CDK14: variants seen among roughly 807,000 people sequenced by gnomAD.
CDK14 encodes cyclin dependent kinase 14, also known as cyclin-dependent kinase 14.
A neutral mutation model predicts 60.7 loss-of-function variants in CDK14; 34 were observed. The observed-to-expected ratio is 0.56, with a 90% CI of 0.43 to 0.75. The LOEUF is 0.75. Among genes scored for constraint, CDK14 ranks in the 30% least tolerant of loss-of-function variants. CDK14 has a pLI of 0.00. For missense variants in CDK14, 482 were observed against 564.1 expected, an observed-to-expected ratio of 0.85 and a Z score of 1.47; for synonymous variants, 197 against 203.7, an observed-to-expected ratio of 0.97 and a Z score of 0.28.
At chr7:91,038,010 G>A (rs938432985) in intron 10 of CDK14, among the ~76,000 whole-genome samples, 29 of 152,274 alleles carry the variant, frequency 1.9e-4, no homozygotes, top group Non-Finnish European at 3.1e-4. Context: ...GCAGCCTCTG[G>A]CAGAAGCTGA....
chr7:90,878,049 G>A (rs982941413), intron 6 of CDK14, among the ~76,000 whole-genome samples: 13 of 150,846 alleles, frequency 8.6e-5, no homozygotes, highest in African/African-American at 2.7e-4. Flanking sequence ...TCATAGAATA[G>A]ATGCATTGGA....
chr7:90,767,212 T>C (rs1038275235), intron 4 of CDK14, among the ~76,000 whole-genome samples: 3 of 152,232 alleles, frequency 2.0e-5, no homozygotes, highest in African/African-American at 7.2e-5. Context: ...ATTTAACAAG[T>C]GGAGTATGTG....
intron 11 of CDK14, among the ~76,000 whole-genome samples, chr7:91,054,373 C>A (rs1380696454): frequency 7.2e-5 from 11 of 152,136 alleles, no homozygotes; most frequent in Non-Finnish European, 1.2e-4. Flanking sequence ...GTATTTAGAG[C>A]TCTCCCCACC....
chr7:90,810,129 C>T (rs1789029938), intron 5 of CDK14, among the ~76,000 whole-genome samples: 1 of 152,186 alleles, frequency 6.6e-6, no homozygotes, highest in Admixed American at 6.5e-5. Context: ...ATGAGGCCGG[C>T]ATCATCCTGA....
At chr7:90,705,960 A>G (rs1227365492) in intron 2 of CDK14, among the ~76,000 whole-genome samples, 1 of 152,068 alleles carries the variant, frequency 6.6e-6, no homozygotes. Flanking sequence ...AGGGAAGTGC[A>G]TACTACTTTT....
chr7:91,031,327 C>T (rs748306200), intron 10 of CDK14, among the ~76,000 whole-genome samples: 1 of 151,868 alleles, frequency 6.6e-6, no homozygotes, highest in Non-Finnish European at 1.5e-5. Flanking sequence ...TGCAAATGCT[C>T]ATCAGTAGGC....
intron 5 of CDK14, among the ~76,000 whole-genome samples, chr7:90,853,199 T>G (rs1358881951): frequency 1.3e-5 from 2 of 152,184 alleles, no homozygotes; most frequent in African/African-American, 4.8e-5. Flanking sequence ...GCCATATAAT[T>G]ACGACCTTAT....
At chr7:90,685,742 A>G (rs1801421107) in intron 2 of CDK14, among the ~76,000 whole-genome samples, 1 of 143,226 alleles carries the variant, frequency 7.0e-6, no homozygotes. Context: ...TGTGTGAGCC[A>G]CAGTGCCTAG....
chr7:91,205,726 A>T (rs1802874324), intron 14 of CDK14, among the ~76,000 whole-genome samples: 1 of 152,248 alleles, frequency 6.6e-6, no homozygotes, highest in Admixed American at 6.5e-5. Flanking sequence ...TGGAAAGTTA[A>T]CTTGCCAGAA....
chr7:90,855,423 A>G (rs1790789026), intron 5 of CDK14, among the ~76,000 whole-genome samples: 1 of 152,212 alleles, frequency 6.6e-6, no homozygotes, highest in Non-Finnish European at 1.5e-5. Flanking sequence ...TTCACTTGTA[A>G]TAAAAACTTT....
chr7:91,079,699 G>A (rs1417994798), intron 12 of CDK14, among the ~76,000 whole-genome samples: 2 of 152,192 alleles, frequency 1.3e-5, no homozygotes, highest in Non-Finnish European at 2.9e-5. Context: ...ATGTGGCATT[G>A]CTTCAGAACT....
intron 5 of CDK14, among the ~76,000 whole-genome samples, chr7:90,816,865 C>T (rs1000930700): frequency 6.6e-6 from 1 of 152,174 alleles, no homozygotes; most frequent in Non-Finnish European, 1.5e-5. Flanking sequence ...GTGATGTAAT[C>T]TGTTCCCACC....
At chr7:91,034,754 A>G (rs987009431) in intron 10 of CDK14, among the ~76,000 whole-genome samples, 1 of 152,190 alleles carries the variant, frequency 6.6e-6, no homozygotes, top group South Asian at 2.1e-4. Flanking sequence ...ACCCAGAATC[A>G]TAGTATTTTA....
chr7:90,979,781 A>G (rs1052465335), intron 9 of CDK14: 27 of 152,230 alleles, frequency 1.8e-4, no homozygotes, highest in African/African-American at 6.5e-4. Flanking sequence ...ATTGAAGATT[A>G]TACAGCCAAA....
Position 91,122,271 on chromosome 7 carries a change from A to G in CDK14, c.*28+4063A>G, listed in dbSNP as rs535705015. 1.2e-4 allele frequency among the ~76,000 whole-genome samples: 17 copies of G among 140,040 alleles called. No homozygotes were observed. In the South Asian group the frequency reaches 4.2e-3, roughly 35 times the overall value. The allele number at this position is 140,040 out of a possible 152,430, so 91.9% of individuals were successfully genotyped here. On this transcript the variant is annotated intron_variant, in intron 14 of 14. Coordinates refer to ENST00000380050, the MANE Select transcript of CDK14 (RefSeq NM_001287135.2). ...TTCTGCAAATCCACATTATGTAGGAATTACATGATAATGAAAAAAAAATGT... is the reference window on the plus strand; with the variant it reads ...TTCTGCAAATCCACATTATGTAGGAGTTACATGATAATGAAAAAAAAATGT...
At chr7:91,076,085 C>T (rs920614482) in intron 11 of CDK14, among the ~76,000 whole-genome samples, 8 of 151,308 alleles carry the variant, frequency 5.3e-5, no homozygotes, top group South Asian at 4.2e-4. Flanking sequence ...ATCAAGCTAT[C>T]ATTGACATTC....
At chr7:91,056,224 G>A (rs1797550438) in intron 11 of CDK14, among the ~76,000 whole-genome samples, 1 of 152,098 alleles carries the variant, frequency 6.6e-6, no homozygotes, top group Admixed American at 6.6e-5. Flanking sequence ...TAAGCCAAAA[G>A]CTTGCACAGC....
intron 2 of CDK14, among the ~76,000 whole-genome samples, chr7:90,612,130 G>A (rs1308228209): frequency 6.6e-6 from 1 of 152,122 alleles, no homozygotes; most frequent in East Asian, 1.9e-4. Context: ...AGCACACCTG[G>A]CTTCAAACAG....
chr7:90,600,455 C>G (rs184392640), intron 1 of CDK14, among the ~76,000 whole-genome samples: 1 of 152,166 alleles, frequency 6.6e-6, no homozygotes, highest in East Asian at 1.9e-4. Context: ...TGGACTGTCT[C>G]CTAGAGAAAG....
Sources: gnomAD v4.1 joint callset for allele counts (sites outside exome capture counted in the v4.1 genomes callset) on GRCh38, gnomAD v4.1.1 for gene constraint, MANE v1.5 for transcripts, NCBI Gene and HGNC (gene_info 2026-07-23, HGNC 2026-07-21) for gene names.